The following MYO10 variants were observed in gnomAD, a reference collection of about 807,000 sequenced individuals.
The protein encoded by MYO10 is myosin X.
In MYO10, 133 loss-of-function variants were observed where a neutral mutation model predicts 257.3. The observed-to-expected ratio is 0.52, with a 90% CI of 0.45 to 0.60. The LOEUF (loss-of-function observed/expected upper bound fraction) is 0.60. Among genes scored for constraint, MYO10 ranks in the 20% least tolerant of loss-of-function variants. MYO10 has a pLI of 0.00. For synonymous variants in MYO10, 1,104 were observed against 1,028.6 expected (o/e 1.07, Z -1.40); for missense variants, 2,399 against 2,635.7 (o/e 0.91, Z 1.97).
At chr5:16,929,521 A>T (rs1347650259) in intron 1 of MYO10, among the ~76,000 whole-genome samples, 1 of 152,128 alleles carries the variant, frequency 6.6e-6, no homozygotes, top group African/African-American at 2.4e-5. Flanking sequence ...AATCCTGGCT[A>T]TCGTTTTCTA....
intron 2 of MYO10, among the ~76,000 whole-genome samples, chr5:16,848,155 C>CTTTTTTTTTTTTTTTCTTTTTTTTTT (rs1554002459): frequency 3.5e-5 from 4 of 113,596 alleles, no homozygotes; most frequent in African/African-American, 1.5e-4. Context: ...CTACACATTT[C>CTTTTTTTTTTTTTTTCTTTTTTTTTT]TTTTTTTTTT....
rs760565374 is a variant in MYO10, at chr5:16,694,381, G to A, written c.3790C>T (p.Arg1264Ter). The A allele has an allele frequency of 3.1e-6, 5 of 1,613,976 alleles. No homozygotes were observed. The highest frequency in any genetic ancestry group is 4.2e-6 in the Non-Finnish European group (5 of 1,179,882). ...GGCTTAGCAACCTACTTTGCCGTTC[G>A]CACTTCTACGGTGCCCTTGAGCTTC... ...EEKLKGTVEVRTAKEIIDNTT... is the reference protein window; with the variant it reads ...EEKLKGTVEV The change falls in exon 27 of 41, where the codon CGA (arginine) becomes TGA (stop). Residue 1264 changes from arginine (R) to a stop codon, truncating the protein, a stop_gained. Transcript: ENST00000513610. LOFTEE classifies it high-confidence loss of function.
intron 9 of MYO10, 136 bp from the exon 10 acceptor site, chr5:16,769,339 CTTGT>C: frequency 9.7e-7 from 1 of 1,026,170 alleles, no homozygotes; most frequent in Non-Finnish European, 1.3e-6. Context: ...TAACCACTCA[CTTGT>C]TTTTTTGTTT....
At chr5:16,793,931 CAA>C (rs34849998) in intron 4 of MYO10, among the ~76,000 whole-genome samples, 10 of 131,782 alleles carry the variant, frequency 7.6e-5, no homozygotes, top group Non-Finnish European at 6.5e-5. Flanking sequence ...AACTCCAACT[CAA>C]AAAAAAAAAA....
chr5:16,773,415 T>A (rs1261809715), intron 9 of MYO10, among the ~76,000 whole-genome samples: 1 of 152,124 alleles, frequency 6.6e-6, no homozygotes, highest in Non-Finnish European at 1.5e-5. Context: ...ATGATTAAAG[T>A]TTTCTTCATC....
chr5:16,793,984 A>T (rs1741851639), intron 4 of MYO10, among the ~76,000 whole-genome samples: 2 of 152,126 alleles, frequency 1.3e-5, no homozygotes, highest in Admixed American at 6.6e-5. Context: ...CTAGTAATAA[A>T]GGAGCTGATA....
At chr5:16,762,673 G>T (rs769680946) in intron 14 of MYO10, 36 bp from the exon 15 acceptor site, 2 of 1,483,164 alleles carry the variant, frequency 1.3e-6, no homozygotes, top group South Asian at 1.2e-5. Flanking sequence ...ATTAAAAGTT[G>T]AATGTGGCTG....
chr5:16,813,044 A>C (rs1272155033), intron 3 of MYO10, among the ~76,000 whole-genome samples: 4 of 152,164 alleles, frequency 2.6e-5, no homozygotes, highest in Non-Finnish European at 5.9e-5. Flanking sequence ...CCAGTCCCCA[A>C]GGAGAAAAAG....
At chr5:16,894,461 T>C (rs988380478) in intron 1 of MYO10, among the ~76,000 whole-genome samples, 1 of 152,132 alleles carries the variant, frequency 6.6e-6, no homozygotes, top group African/African-American at 2.4e-5. Context: ...CTTGGACAAA[T>C]GAACCTCCAC....
intron 1 of MYO10, among the ~76,000 whole-genome samples, chr5:16,878,327 T>A (rs1744662337): frequency 6.6e-6 from 1 of 152,280 alleles, no homozygotes; most frequent in South Asian, 2.1e-4. Context: ...CTAATATTTA[T>A]CAGAACTCAG....
chr5:16,877,781 CCTAA>C, intron 1 of MYO10, 74 bp from the exon 2 acceptor site: 1 of 1,089,506 alleles, frequency 9.2e-7, no homozygotes, highest in South Asian at 1.3e-5. Flanking sequence ...TCGAAATTAC[CCTAA>C]CTCCTATATT....
intron 1 of MYO10, among the ~76,000 whole-genome samples, chr5:16,882,639 A>C (rs1419447067): frequency 6.6e-6 from 1 of 152,222 alleles, no homozygotes; most frequent in East Asian, 1.9e-4. Context: ...TAAGTGAAAG[A>C]AGCCAGATAC....
intron 2 of MYO10, among the ~76,000 whole-genome samples, chr5:16,823,194 C>G (rs1400193699): frequency 6.7e-6 from 1 of 150,264 alleles, no homozygotes; most frequent in African/African-American, 2.4e-5. Context: ...GTAATCCCAG[C>G]ACTTTGGGAG....
intron 31 of MYO10, 66 bp downstream of exon 31, chr5:16,681,805 G>T (rs1361163648): frequency 2.0e-6 from 3 of 1,509,572 alleles, no homozygotes; most frequent in Non-Finnish European, 2.7e-6. Flanking sequence ...AAATGCTGCA[G>T]ATGTCTATAT....
intron 2 of MYO10, among the ~76,000 whole-genome samples, chr5:16,834,653 A>T (rs549357746): frequency 6.6e-6 from 1 of 152,356 alleles, no homozygotes; most frequent in South Asian, 2.1e-4. Flanking sequence ...CTGGGTCACA[A>T]ATCAACACTT....
intron 9 of MYO10, among the ~76,000 whole-genome samples, chr5:16,774,675 C>A (rs1741163822): frequency 6.6e-6 from 1 of 152,102 alleles, no homozygotes; most frequent in South Asian, 2.1e-4. Flanking sequence ...CCTGCCTCGG[C>A]CTCCCAAAGT....
At chr5:16,781,959 A>C in intron 5 of MYO10, 130 bp from the exon 6 acceptor site, 1 of 1,144,598 alleles carries the variant, frequency 8.7e-7, no homozygotes. Flanking sequence ...GAGGGTGGCA[A>C]TGTTTATTTC....
chr5:16,804,807 C>T (rs1465748009), intron 3 of MYO10, among the ~76,000 whole-genome samples: 1 of 151,936 alleles, frequency 6.6e-6, no homozygotes, highest in Non-Finnish European at 1.5e-5. Context: ...CCCAGCTACT[C>T]GGCAGGCTGA....
At chr5:16,671,176 G>A (rs906276930) in intron 38 of MYO10, among the ~76,000 whole-genome samples, 198 bp from the exon 39 acceptor site, 6 of 152,046 alleles carry the variant, frequency 3.9e-5, no homozygotes, top group African/African-American at 1.4e-4. Context: ...TCTAACACAC[G>A]TCACATATTT....
Sources: allele counts gnomAD v4.1 joint callset (sites outside exome capture counted in the v4.1 genomes callset), GRCh38; gene constraint gnomAD v4.1.1; transcripts MANE v1.5; gene names NCBI Gene and HGNC (gene_info 2026-07-23, HGNC 2026-07-21).